HOOK3: variants seen among roughly 807,000 people sequenced by gnomAD.
HOOK3 encodes hook microtubule tethering protein 3, also known as protein Hook homolog 3.
HOOK3 carries 24 observed loss-of-function variants against 116.3 expected under a neutral mutation model. The observed-to-expected ratio is 0.21, with a 90% confidence interval of 0.15 to 0.29. The LOEUF is 0.29. Ranked by LOEUF, HOOK3 falls within the 10% of genes least tolerant of loss-of-function variation. The probability of loss-of-function intolerance (pLI) is 1.00; values close to 1 mark genes in which losing one functional copy is unlikely to be tolerated. For synonymous variants in HOOK3, 275 were observed against 283.0 expected (o/e 0.97, Z 0.28); for missense variants, 632 against 830.2 (o/e 0.76, Z 2.93).
At chr8:42,918,630 TTAACGAG>T in intron 2 of HOOK3, among the ~76,000 whole-genome samples, 1 of 152,224 alleles carries the variant, frequency 6.6e-6, no homozygotes, top group African/African-American at 2.4e-5. Flanking sequence ...GTGATGACTC[TTAACGAG>T]TATGCTGCCT....
intron 6 of HOOK3, among the ~76,000 whole-genome samples, chr8:42,955,132 C>T (rs1351433759): frequency 6.6e-6 from 1 of 152,188 alleles, no homozygotes; most frequent in Admixed American, 6.6e-5. Context: ...ATACAGTTGA[C>T]CCTTAAACAA....
chr8:42,944,594 G>A (rs909429617), intron 5 of HOOK3, among the ~76,000 whole-genome samples: 1 of 152,156 alleles, frequency 6.6e-6, no homozygotes. Context: ...GGTGAGGCAG[G>A]TGGATCACAA....
intron 3 of HOOK3, among the ~76,000 whole-genome samples, chr8:42,929,861 T>A (rs1281458658): frequency 6.6e-6 from 1 of 152,174 alleles, no homozygotes; most frequent in African/African-American, 2.4e-5. Context: ...TCTCATTCAG[T>A]TACCCTCCAG....
In HOOK3 at chr8:42,957,082, TC is replaced by T; in HGVS notation, c.469-11del. The T allele has an allele frequency of 6.4e-7, 1 of 1,555,674 alleles. No individual in the cohort carries two copies. Among genetic ancestry groups the T allele is most frequent in the East Asian group, 2.3e-5 (1 of 44,122 alleles). ...TGCCTCATAGTTATAATCATTTAAA[TC>T]TTGATTTCAGCTGATGAGTAAAGAA... is the stretch of plus-strand genomic sequence containing the variant. On this transcript the variant is annotated splice_polypyrimidine_tract_variant and intron_variant, in intron 6 of 21. Transcript: ENST00000307602.
chr8:42,982,254 TAAAAAAAAAAAAAAAAGAAAAAA>T (rs1332530458), intron 13 of HOOK3, among the ~76,000 whole-genome samples: 1 of 89,600 alleles, frequency 1.1e-5, no homozygotes, highest in Non-Finnish European at 2.2e-5. Context: ...GACTCTGTCT[TAAAAAAAAAAAAAAAAGAAAAAA>T]AAAAAGAAAA....
intron 6 of HOOK3, among the ~76,000 whole-genome samples, chr8:42,956,447 T>C (rs1808438074): frequency 6.6e-6 from 1 of 152,304 alleles, no homozygotes; most frequent in East Asian, 1.9e-4. Flanking sequence ...TTCTTATTAC[T>C]AGGCTTGCGG....
chr8:42,973,750 T>G (rs528307259), intron 12 of HOOK3, among the ~76,000 whole-genome samples: 1 of 152,322 alleles, frequency 6.6e-6, no homozygotes, highest in African/African-American at 2.4e-5. Context: ...TTCAAATCTT[T>G]TAAAAATATT....
At chr8:43,014,112 C>G (rs1255772827) in intron 21 of HOOK3, among the ~76,000 whole-genome samples, 3 of 151,704 alleles carry the variant, frequency 2.0e-5, no homozygotes, top group Non-Finnish European at 4.4e-5. Context: ...GTGGTGAAAC[C>G]CTGTCTCTAC....
intron 3 of HOOK3, 110 bp downstream of exon 3, chr8:42,925,739 G>A: frequency 1.5e-6 from 1 of 663,056 alleles, no homozygotes; most frequent in Non-Finnish European, 2.6e-6. Context: ...TAGGTAGCCT[G>A]TAATGAAATA....
chr8:42,964,776 G>A (rs1244184951), intron 9 of HOOK3, among the ~76,000 whole-genome samples: 3 of 143,142 alleles, frequency 2.1e-5, no homozygotes, highest in Admixed American at 6.9e-5. Context: ...TCGGTGAGCC[G>A]AGATCGTGCC....
chr8:43,014,378 G>A (rs1399451038), intron 21 of HOOK3, among the ~76,000 whole-genome samples: 1 of 150,866 alleles, frequency 6.6e-6, no homozygotes, highest in Non-Finnish European at 1.5e-5. Flanking sequence ...TTGAGATAGA[G>A]TCTCGCTGTG....
chr8:42,994,112 T>G (rs1809219896), intron 15 of HOOK3, among the ~76,000 whole-genome samples: 1 of 151,990 alleles, frequency 6.6e-6, no homozygotes, highest in Non-Finnish European at 1.5e-5. Context: ...ACCTCCTGGG[T>G]TCAAGTGATT....
intron 6 of HOOK3, among the ~76,000 whole-genome samples, chr8:42,955,290 T>A (rs543444952): frequency 4.3e-4 from 65 of 152,214 alleles, no homozygotes; most frequent in Non-Finnish European, 7.3e-4. Flanking sequence ...AGGGAGGTTC[T>A]GCAGGGCTGC....
At position 43,025,694 on chromosome 8, in the gene HOOK3, A is replaced by T. The variant is rs1809920154; in HGVS notation, c.*7196A>T. Reference sequence around the variant, plus strand: ...AGAAAGTGATTTTAGGTCGCCAAGGATACTATGATTTGATGAGATGAGAAG... The same window carrying T: ...AGAAAGTGATTTTAGGTCGCCAAGGTTACTATGATTTGATGAGATGAGAAG... On this transcript the variant is annotated 3_prime_UTR_variant, in exon 22 of 22. Transcript: ENST00000307602. The T allele has an allele frequency of 4.7e-6, 1 of 215,024 alleles. No homozygotes were observed. The highest frequency in any genetic ancestry group is 2.3e-5 in the African/African-American group (1 of 44,332). 13.3% of individuals were successfully genotyped at this position (215,024 alleles called of 1,614,324 possible).
rs956557322 is a variant in HOOK3, at chr8:43,020,467, A to G, written c.*1969A>G. On this transcript the variant is annotated 3_prime_UTR_variant, in exon 22 of 22. Coordinates refer to ENST00000307602, the MANE Select transcript of HOOK3 (RefSeq NM_032410.4). ...GGTGCCTCACGCCTGCAATCTCACC[A>G]TTTGGGAGACCTAGGTGGGGGTGGA... The G allele has an allele frequency of 5.4e-6, 1 of 184,540 alleles. No homozygotes were observed. The highest frequency in any genetic ancestry group is 1.1e-5 in the Non-Finnish European group (1 of 87,054). 11.4% of individuals were successfully genotyped at this position (184,540 alleles called of 1,614,324 possible).
At chr8:42,912,654 CCCACATCCTCCTTGCCCA>C (rs1266445166) in intron 2 of HOOK3, among the ~76,000 whole-genome samples, 1 of 150,382 alleles carries the variant, frequency 6.6e-6, no homozygotes, top group Admixed American at 6.6e-5. Flanking sequence ...ACAGTGAGTT[CCCACATCCTCCTTGCCCA>C]CCACACACTC....
chr8:42,897,265 G>C (rs1807017780), intron 1 of HOOK3, 77 bp downstream of exon 1: 1 of 1,050,974 alleles, frequency 9.5e-7, no homozygotes, highest in African/African-American at 1.6e-5. Flanking sequence ...GCGGCCCGTG[G>C]GGCGAGCGCT....
In HOOK3 at chr8:43,028,461, C is replaced by T. The variant is rs1809972602; in HGVS notation, c.*9963C>T. The T allele has an allele frequency of 5.3e-6, 1 of 186,982 alleles. No individual in the cohort carries two copies. The highest frequency in any genetic ancestry group is 1.1e-5 in the Non-Finnish European group (1 of 88,720). 11.6% of individuals were successfully genotyped at this position (186,982 alleles called of 1,614,324 possible). Reference sequence around the variant, plus strand: ...GATTGATAGATTTAATGATATCCTTCCTTTTAAATTTATATAGATCTAATG... The same window carrying T: ...GATTGATAGATTTAATGATATCCTTTCTTTTAAATTTATATAGATCTAATG... On this transcript the variant is annotated 3_prime_UTR_variant, in exon 22 of 22. Transcript: ENST00000307602.
chr8:43,029,371 A>G lies in HOOK3; in HGVS notation c.*10873A>G, dbSNP rs1313723318. The G allele has an allele frequency of 1.8e-5, 3 of 168,410 alleles. No individual in the cohort carries two copies. The highest frequency in any genetic ancestry group is 7.2e-5 in the African/African-American group (3 of 41,874). The allele number at this position is 168,410 out of a possible 1,614,324, so 10.4% of individuals were successfully genotyped here. ...CACCTTGTTGGCCAGGATGATCTCG[A>G]TCTCTTGATCTCGTGATCTGCCCGC... On this transcript the variant is annotated 3_prime_UTR_variant, in exon 22 of 22. Transcript: ENST00000307602.
Sources: gnomAD v4.1 joint callset for allele counts (sites outside exome capture counted in the v4.1 genomes callset) on GRCh38, gnomAD v4.1.1 for gene constraint, MANE v1.5 for transcripts, NCBI Gene and HGNC (gene_info 2026-07-23, HGNC 2026-07-21) for gene names.